The following LRP1B variants were observed in gnomAD, a reference collection of about 807,000 sequenced individuals.
LRP1B encodes the protein LDL receptor related protein 1B, also known as low-density lipoprotein receptor-related protein 1B.
In LRP1B, 217 loss-of-function variants were observed where a neutral mutation model predicts 556.6. That is an observed-to-expected ratio of 0.39 (90% CI 0.35 to 0.44). The LOEUF (loss-of-function observed/expected upper bound fraction) is 0.44, where lower values mean the gene tolerates loss of function less well. Among genes scored for constraint, LRP1B ranks in the 20% least tolerant of loss-of-function variants. The pLI, the probability that LRP1B is intolerant of heterozygous loss-of-function variation, is 1.00. For synonymous variants in LRP1B, 2,047 were observed against 1,865.8 expected, an observed-to-expected ratio of 1.10 and a Z score of -2.50; for missense variants, 5,053 against 5,620.8, an observed-to-expected ratio of 0.90 and a Z score of 3.23.
chr2:140,871,389 C>T (rs975375628), intron 25 of LRP1B, among the ~76,000 whole-genome samples: 1 of 152,136 alleles, frequency 6.6e-6, no homozygotes. Context: ...TTTTCACAGT[C>T]TTGCTAACTG....
chr2:140,679,337 T>G (rs886465267), intron 41 of LRP1B, among the ~76,000 whole-genome samples: 3 of 152,182 alleles, frequency 2.0e-5, no homozygotes, highest in African/African-American at 7.2e-5. Flanking sequence ...TCATAACAAT[T>G]TTTTTAAAAA....
intron 41 of LRP1B, among the ~76,000 whole-genome samples, chr2:140,622,366 C>T (rs1054194461): frequency 6.6e-6 from 1 of 152,292 alleles, no homozygotes; most frequent in South Asian, 2.1e-4. Flanking sequence ...CCATTAAACA[C>T]CTGCCTGAAT....
chr2:141,429,915 T>C (rs1005878185), intron 3 of LRP1B, among the ~76,000 whole-genome samples: 4 of 152,168 alleles, frequency 2.6e-5, no homozygotes, highest in Non-Finnish European at 5.9e-5. Context: ...TGTGGAATTA[T>C]TAAAGGAACA....
intron 1 of LRP1B, among the ~76,000 whole-genome samples, chr2:141,982,152 A>G (rs147799039): frequency 6.6e-6 from 1 of 152,280 alleles, no homozygotes; most frequent in Admixed American, 6.5e-5. Flanking sequence ...CCTGTAGTGT[A>G]GATTATAGCT....
chr2:141,768,435 A>G (rs1009116147), intron 2 of LRP1B, among the ~76,000 whole-genome samples: 1 of 152,068 alleles, frequency 6.6e-6, no homozygotes, highest in Non-Finnish European at 1.5e-5. Context: ...TAAAAGTGGC[A>G]TTTCCAGTAT....
At chr2:140,740,304 A>G (rs1688093307) in intron 35 of LRP1B, among the ~76,000 whole-genome samples, 2 of 152,210 alleles carry the variant, frequency 1.3e-5, no homozygotes, top group Admixed American at 1.3e-4. Flanking sequence ...AAACTGTGGT[A>G]TATGTGTATG....
chr2:140,829,014 A>G (rs553013209), intron 31 of LRP1B, among the ~76,000 whole-genome samples: 1 of 152,262 alleles, frequency 6.6e-6, no homozygotes, highest in South Asian at 2.1e-4. Context: ...ACTTTAAATC[A>G]AACTTAAAAG....
At chr2:141,718,599 T>C (rs1169038888) in intron 2 of LRP1B, among the ~76,000 whole-genome samples, 1 of 152,204 alleles carries the variant, frequency 6.6e-6, no homozygotes, top group African/African-American at 2.4e-5. Context: ...AAAACATCTG[T>C]ATCAACAGTA....
chr2:141,449,208 A>G (rs1681313962), intron 3 of LRP1B, among the ~76,000 whole-genome samples: 1 of 152,216 alleles, frequency 6.6e-6, no homozygotes, highest in Non-Finnish European at 1.5e-5. Flanking sequence ...TCTGCGCTAT[A>G]AATCCTAAAT....
At chr2:140,321,865 A>ACTGATGATGG in intron 82 of LRP1B, 98 bp downstream of exon 82, 1 of 1,229,310 alleles carries the variant, frequency 8.1e-7, no homozygotes, top group Non-Finnish European at 1.2e-6. Context: ...AGGTAGCTAA[A>ACTGATGATGG]CTGATGATGG....
At chr2:140,992,499 A>G (rs563632815) in intron 16 of LRP1B, 1 of 152,254 alleles carries the variant, frequency 6.6e-6, no homozygotes, top group East Asian at 1.9e-4. Flanking sequence ...AGTTGACTAC[A>G]GAGGAAGCTG....
intron 41 of LRP1B, among the ~76,000 whole-genome samples, chr2:140,649,563 G>A (rs1684602934): frequency 6.6e-6 from 1 of 152,270 alleles, no homozygotes; most frequent in Non-Finnish European, 1.5e-5. Context: ...CAGGACAATT[G>A]CTTTAGAGCT....
intron 4 of LRP1B, among the ~76,000 whole-genome samples, 154 bp downstream of exon 4, chr2:141,254,368 T>C (rs1039784073): frequency 5.3e-5 from 8 of 152,168 alleles, no homozygotes; most frequent in African/African-American, 1.7e-4. Context: ...ATAATGTTTA[T>C]GTTTTTGTTG....
At chr2:141,093,411 T>C (rs1700219537) in intron 7 of LRP1B, among the ~76,000 whole-genome samples, 1 of 152,164 alleles carries the variant, frequency 6.6e-6, no homozygotes, top group Non-Finnish European at 1.5e-5. Flanking sequence ...TAAAATAGTA[T>C]AGCGTAGAAG....
chr2:140,713,888 C>A (rs1224625508), intron 37 of LRP1B, among the ~76,000 whole-genome samples: 1 of 152,064 alleles, frequency 6.6e-6, no homozygotes, highest in Non-Finnish European at 1.5e-5. Context: ...TTGCTGCTAC[C>A]ACCCTCATTT....
At chr2:140,509,785 C>T (rs1338544297) in intron 52 of LRP1B, 143 bp downstream of exon 52, 1 of 1,096,288 alleles carries the variant, frequency 9.1e-7, no homozygotes, top group Non-Finnish European at 1.3e-6. Flanking sequence ...ACCGTCATCC[C>T]ACCTGATTAA....
At chr2:141,087,220 C>G (rs143191752) in intron 7 of LRP1B, among the ~76,000 whole-genome samples, 11 of 148,984 alleles carry the variant, frequency 7.4e-5, no homozygotes, top group African/African-American at 2.5e-4. Flanking sequence ...ACATACTGTA[C>G]TAGGATGATG....
intron 2 of LRP1B, among the ~76,000 whole-genome samples, chr2:141,607,999 C>T (rs928879230): frequency 2.0e-5 from 3 of 151,980 alleles, no homozygotes; most frequent in South Asian, 2.1e-4. Context: ...CCAAGGTGGG[C>T]GGATCACCTG....
rs534800180 is a variant in LRP1B at position 141,917,079 on chromosome 2, A to G, written c.83-106678T>C. Among the ~76,000 whole-genome samples, 7 of 152,330 alleles carry G rather than the reference A, an allele frequency of 4.6e-5. No homozygotes were observed. In the East Asian group the frequency reaches 1.2e-3, roughly 25 times the overall value. On this transcript the variant is annotated intron_variant, in intron 1 of 90. Transcript: ENST00000389484. ...ATGAATCACAGATAGCAATTTGTATATACAATTTATATAACACTTATACCT... is the reference window on the plus strand; with the variant it reads ...ATGAATCACAGATAGCAATTTGTATGTACAATTTATATAACACTTATACCT...
Sources: allele counts gnomAD v4.1 joint callset (sites outside exome capture counted in the v4.1 genomes callset), GRCh38; gene constraint gnomAD v4.1.1; transcripts MANE v1.5; gene names NCBI Gene and HGNC (gene_info 2026-07-23, HGNC 2026-07-21).